XYLT1: variants seen among roughly 807,000 people sequenced by gnomAD.
XYLT1 encodes the protein xylosyltransferase 1.
In XYLT1, 36 loss-of-function variants were observed where a neutral mutation model predicts 91.3. That is an observed-to-expected ratio of 0.39 (90% confidence interval 0.30 to 0.52). The LOEUF (loss-of-function observed/expected upper bound fraction) is 0.52. Ranked by LOEUF, XYLT1 falls within the 20% of genes least tolerant of loss-of-function variation. XYLT1 has a pLI of 0.68. For synonymous variants in XYLT1, 588 were observed against 532.0 expected, an observed-to-expected ratio of 1.11 and a Z score of -1.45; for missense variants, 1,242 against 1,284.5, an observed-to-expected ratio of 0.97 and a Z score of 0.51.
At chr16:17,261,301 T>C (rs2033719291) in intron 2 of XYLT1, among the ~76,000 whole-genome samples, 1 of 150,252 alleles carries the variant, frequency 6.7e-6, no homozygotes, top group Non-Finnish European at 1.5e-5. Context: ...CTCCTAGCAG[T>C]AAGCACGAAT....
intron 5 of XYLT1, among the ~76,000 whole-genome samples, chr16:17,192,340 C>T (rs1230161925): frequency 1.3e-5 from 2 of 151,920 alleles, no homozygotes; most frequent in Admixed American, 6.6e-5. Flanking sequence ...CTCAGGTGAT[C>T]CACCCATCTT....
rs1271673506 is a variant in XYLT1, at chr16:17,189,835, T to C, written c.1289+8377A>G. Among the ~76,000 whole-genome samples the C allele has an allele frequency of 2.6e-5, 4 of 152,056 alleles. No homozygotes were observed. The East Asian group carries it at 7.7e-4, about 29-fold the overall frequency. On this transcript the variant is annotated intron_variant, in intron 5 of 11. Transcript: ENST00000261381. ...GCTGAGGTGGGTAGATCACATGAGG[T>C]CAGGAGTTCGAGACCAGACTGACCA...
chr16:17,300,555 C>A (rs1292826796), intron 2 of XYLT1, among the ~76,000 whole-genome samples: 3 of 142,210 alleles, frequency 2.1e-5, no homozygotes, highest in African/African-American at 5.3e-5. Flanking sequence ...CTCCTGGGTT[C>A]AAGTGATTCT....
intron 1 of XYLT1, among the ~76,000 whole-genome samples, chr16:17,447,838 C>A (rs1430967604): frequency 6.6e-6 from 1 of 152,212 alleles, no homozygotes; most frequent in East Asian, 1.9e-4. Context: ...ACTTCTGGGG[C>A]TGCAGTAAGA....
chr16:17,138,725 A>ATAAAT (rs1238529227), intron 7 of XYLT1, 194 bp from the exon 8 acceptor site: 1 of 566,554 alleles, frequency 1.8e-6, no homozygotes, highest in Admixed American at 3.1e-5. Context: ...TCTTTTCTTT[A>ATAAAT]TAAATTACCA....
At chr16:17,280,217 G>A (rs138712610) in intron 2 of XYLT1, among the ~76,000 whole-genome samples, 46 of 152,282 alleles carry the variant, frequency 3.0e-4, no homozygotes, top group African/African-American at 1.0e-3. Flanking sequence ...CAGGCATGGC[G>A]GCAGCACCTG....
At chr16:17,404,730 G>C (rs1292640263) in intron 1 of XYLT1, among the ~76,000 whole-genome samples, 1 of 120,720 alleles carries the variant, frequency 8.3e-6, no homozygotes, top group African/African-American at 3.5e-5. Flanking sequence ...GAGGTCAGCA[G>C]TTCAAGACCA....
intron 1 of XYLT1, among the ~76,000 whole-genome samples, chr16:17,379,177 C>T (rs953510259): frequency 3.3e-5 from 5 of 152,184 alleles, no homozygotes; most frequent in Admixed American, 6.5e-5. Context: ...AAATGCTCCC[C>T]GGGCAGGCAG....
At chr16:17,163,670 G>C (rs2031603615) in intron 5 of XYLT1, among the ~76,000 whole-genome samples, 1 of 152,146 alleles carries the variant, frequency 6.6e-6, no homozygotes, top group African/African-American at 2.4e-5. Context: ...TCAAACCTCT[G>C]ATGCTGCCAG....
At chr16:17,385,744 T>C (rs562886956) in intron 1 of XYLT1, among the ~76,000 whole-genome samples, 1 of 151,848 alleles carries the variant, frequency 6.6e-6, no homozygotes, top group East Asian at 2.0e-4. Flanking sequence ...AGCTCTGGAG[T>C]TGACAGTCAC....
intron 3 of XYLT1, among the ~76,000 whole-genome samples, chr16:17,249,275 G>C (rs1335816596): frequency 1.3e-5 from 2 of 152,208 alleles, no homozygotes; most frequent in Admixed American, 6.5e-5. Context: ...AGAGATTCTA[G>C]ATGCCCATTT....
At chr16:17,142,431 A>ATTTTT (rs71137975) in intron 6 of XYLT1, among the ~76,000 whole-genome samples, 4 of 122,734 alleles carry the variant, frequency 3.3e-5, no homozygotes, top group Admixed American at 8.8e-5. Context: ...AAATCCTGTA[A>ATTTTT]TTTTTTTTTT....
chr16:17,220,497 T>G (rs1211345320), intron 3 of XYLT1, among the ~76,000 whole-genome samples: 1 of 152,090 alleles, frequency 6.6e-6, no homozygotes, highest in Non-Finnish European at 1.5e-5. Context: ...TTTTGAGACG[T>G]AGTCCCACTC....
At chr16:17,198,760 AC>A (rs2032479712) in intron 4 of XYLT1, among the ~76,000 whole-genome samples, 2 of 151,956 alleles carry the variant, frequency 1.3e-5, no homozygotes, top group African/African-American at 4.8e-5. Context: ...TTATTTATTT[AC>A]TTAGACAGAG....
chr16:17,162,911 A>G (rs934146368), intron 5 of XYLT1, among the ~76,000 whole-genome samples: 5 of 152,230 alleles, frequency 3.3e-5, no homozygotes, highest in Admixed American at 2.6e-4. Flanking sequence ...CGGACTATGA[A>G]TGAATTACTT....
intron 2 of XYLT1, among the ~76,000 whole-genome samples, chr16:17,282,545 G>A (rs908243128): frequency 2.6e-5 from 4 of 152,228 alleles, no homozygotes; most frequent in African/African-American, 9.6e-5. Flanking sequence ...AGACAAGGCT[G>A]GCTTGCCCTG....
chr16:17,234,502 G>A (rs2033215509), intron 3 of XYLT1, among the ~76,000 whole-genome samples: 1 of 150,990 alleles, frequency 6.6e-6, no homozygotes, highest in Non-Finnish European at 1.5e-5. Context: ...GGGTAAATAA[G>A]CACATAAGAA....
chr16:17,382,638 C>G (rs1169472187), intron 1 of XYLT1, among the ~76,000 whole-genome samples: 1 of 151,792 alleles, frequency 6.6e-6, no homozygotes, highest in African/African-American at 2.4e-5. Context: ...GAACTTGGCC[C>G]TACAGAGGAG....
At chr16:17,336,530 G>T (rs1385762761) in intron 2 of XYLT1, among the ~76,000 whole-genome samples, 1 of 152,124 alleles carries the variant, frequency 6.6e-6, no homozygotes, top group Non-Finnish European at 1.5e-5. Flanking sequence ...GCGGGTGTGG[G>T]TATGGATGTG....
Sources: gnomAD v4.1 joint callset for allele counts (sites outside exome capture counted in the v4.1 genomes callset) on GRCh38, gnomAD v4.1.1 for gene constraint, MANE v1.5 for transcripts, NCBI Gene and HGNC (gene_info 2026-07-23, HGNC 2026-07-21) for gene names.